Variants in PPP2R2B observed in about 807,000 individuals in gnomAD.
PPP2R2B encodes the protein serine/threonine-protein phosphatase 2A 55 kDa regulatory subunit B beta isoform.
A neutral mutation model predicts 46.0 loss-of-function variants in PPP2R2B; 5 were observed. The ratio of observed to expected loss-of-function variants is 0.11; its 90% CI spans 0.06 to 0.23. The LOEUF (loss-of-function observed/expected upper bound fraction) is 0.23, where lower values mean the gene tolerates loss of function less well. Ranked by LOEUF, PPP2R2B falls within the 10% of genes least tolerant of loss-of-function variation. The pLI is 1.00. For synonymous variants in PPP2R2B, 215 were observed against 206.7 expected (o/e 1.04, Z -0.34); for missense variants, 367 against 575.0 (o/e 0.64, Z 3.70).
chr5:146,917,365 C>T (rs1417730296), intron 1 of PPP2R2B, among the ~76,000 whole-genome samples: 1 of 152,170 alleles, frequency 6.6e-6, no homozygotes, highest in African/African-American at 2.4e-5. Context: ...ATACCCTCCT[C>T]GACTGCCATT....
intron 2 of PPP2R2B, among the ~76,000 whole-genome samples, chr5:146,822,187 AC>A (rs1329456492): frequency 1.3e-5 from 2 of 152,222 alleles, no homozygotes; most frequent in Non-Finnish European, 2.9e-5. Flanking sequence ...CAGAAGAAGG[AC>A]TGGCTCCTCA....
chr5:147,010,290 CCA>C (rs1358898098), intron 1 of PPP2R2B, among the ~76,000 whole-genome samples: 2 of 151,962 alleles, frequency 1.3e-5, no homozygotes, highest in Admixed American at 6.6e-5. Flanking sequence ...GACAATTTTT[CCA>C]CAGACTGGGG....
chr5:146,931,364 A>C (rs1763964194), intron 1 of PPP2R2B, among the ~76,000 whole-genome samples: 1 of 152,100 alleles, frequency 6.6e-6, no homozygotes, highest in African/African-American at 2.4e-5. Flanking sequence ...AAATTTCTTG[A>C]CTGCTAGCTC....
At chr5:146,683,829 C>A (rs1030567646) in intron 5 of PPP2R2B, among the ~76,000 whole-genome samples, 14 of 152,104 alleles carry the variant, frequency 9.2e-5, no homozygotes, top group African/African-American at 3.1e-4. Flanking sequence ...ATAATGATGG[C>A]AATCAATAAT....
chr5:146,597,341 C>T (rs1303421328), intron 8 of PPP2R2B, among the ~76,000 whole-genome samples: 1 of 152,200 alleles, frequency 6.6e-6, no homozygotes, highest in Non-Finnish European at 1.5e-5. Context: ...CCTGTCATTG[C>T]TATCCCTGTT....
chr5:146,911,651 C>G (rs1369027198), intron 1 of PPP2R2B, among the ~76,000 whole-genome samples: 1 of 152,204 alleles, frequency 6.6e-6, no homozygotes, highest in South Asian at 2.1e-4. Context: ...GAGACTATTG[C>G]CTTTTGGATT....
At chr5:146,760,959 A>G (rs1754127086) in intron 2 of PPP2R2B, among the ~76,000 whole-genome samples, 1 of 152,224 alleles carries the variant, frequency 6.6e-6, no homozygotes, top group African/African-American at 2.4e-5. Context: ...CAAAACCACA[A>G]TGAGATACCA....
At chr5:146,739,871 T>C (rs1752761307) in intron 2 of PPP2R2B, among the ~76,000 whole-genome samples, 1 of 152,230 alleles carries the variant, frequency 6.6e-6, no homozygotes, top group Non-Finnish European at 1.5e-5. Context: ...GAATAATGTC[T>C]GTGGGAATCC....
chr5:146,762,532 C>A (rs1754228683), intron 2 of PPP2R2B, among the ~76,000 whole-genome samples: 1 of 152,208 alleles, frequency 6.6e-6, no homozygotes, highest in African/African-American at 2.4e-5. Context: ...TGAAAAATAT[C>A]TAAGCATTCT....
At chr5:146,668,102 A>ACAGAGCTCATCTCATTCCTCCTTTC (rs1278225902) in intron 5 of PPP2R2B, among the ~76,000 whole-genome samples, 1 of 152,184 alleles carries the variant, frequency 6.6e-6, no homozygotes, top group African/African-American at 2.4e-5. Flanking sequence ...GCTGCAGTTA[A>ACAGAGCTCATCTCATTCCTCCTTTC]CAGAGCTCAT....
At chr5:147,027,009 T>C (rs1755556730) in intron 1 of PPP2R2B, among the ~76,000 whole-genome samples, 1 of 152,172 alleles carries the variant, frequency 6.6e-6, no homozygotes, top group South Asian at 2.1e-4. Context: ...GCTTTTTTCA[T>C]AATAGAAACT....
chr5:146,694,536 G>A lies in PPP2R2B; in HGVS notation c.335-3296C>T, dbSNP rs142317741. Among the ~76,000 whole-genome samples the A allele has an allele frequency of 3.9e-3, 596 of 152,170 alleles. 9 individuals carry two copies. Among genetic ancestry groups the A allele is most frequent in the African/African-American group, 0.014 (565 of 41,518 alleles). On this transcript the variant is annotated intron_variant, in intron 4 of 9. Coordinates refer to ENST00000394411, the MANE Select transcript of PPP2R2B (RefSeq NM_181675.4). ...AACAGAGAAATCATGGGTATAACAT[G>A]AAGAATAAAAATCACCTACAACCTC...
At chr5:146,693,576 A>G (rs988415339) in intron 4 of PPP2R2B, among the ~76,000 whole-genome samples, 1 of 152,224 alleles carries the variant, frequency 6.6e-6, no homozygotes, top group Non-Finnish European at 1.5e-5. Flanking sequence ...AAAAATATAG[A>G]ACACCCAGTT....
chr5:146,646,524 A>T (rs780777322), intron 6 of PPP2R2B, among the ~76,000 whole-genome samples: 5 of 152,138 alleles, frequency 3.3e-5, no homozygotes, highest in Non-Finnish European at 7.4e-5. Context: ...CTATGGATGG[A>T]AGGGAGAGAA....
Position 146,586,806 on chromosome 5 carries a change from T to C in PPP2R2B, c.*3141A>G, listed in dbSNP as rs1211830220. ...GATTCCCACTGCCCATCTGCCTTTA[T>C]ATATCCCACTTCTTGATGCTGGCTA... is the stretch of plus-strand genomic sequence containing the variant. On this transcript the variant is annotated 3_prime_UTR_variant, in exon 10 of 10. Coordinates refer to ENST00000394411, the MANE Select transcript of PPP2R2B (RefSeq NM_181675.4). 1 of 152,338 alleles carries C rather than the reference T, an allele frequency of 6.6e-6. No homozygotes were observed. The highest frequency in any genetic ancestry group is 1.9e-4 in the East Asian group (1 of 5,184). The allele number at this position is 152,338 out of a possible 1,614,324, so 9.4% of individuals were successfully genotyped here.
At chr5:146,651,358 T>A (rs1028803401) in intron 5 of PPP2R2B, among the ~76,000 whole-genome samples, 1 of 152,224 alleles carries the variant, frequency 6.6e-6, no homozygotes, top group Non-Finnish European at 1.5e-5. Flanking sequence ...CACTTTTACA[T>A]GCAAAACTGT....
At chr5:146,773,435 G>A (rs534036105) in intron 2 of PPP2R2B, among the ~76,000 whole-genome samples, 21 of 152,292 alleles carry the variant, frequency 1.4e-4, no homozygotes, top group Admixed American at 3.3e-4. Flanking sequence ...TTATGATCTA[G>A]ATTTGAATTA....
chr5:146,668,907 G>T (rs1443673410), intron 5 of PPP2R2B, among the ~76,000 whole-genome samples: 4 of 152,110 alleles, frequency 2.6e-5, no homozygotes, highest in African/African-American at 9.7e-5. Flanking sequence ...TTGCCTTTGA[G>T]GACTGTAGAC....
At chr5:147,046,159 G>A (rs1756534086) in intron 1 of PPP2R2B, among the ~76,000 whole-genome samples, 1 of 152,072 alleles carries the variant, frequency 6.6e-6, no homozygotes. Context: ...TAATAGAGAT[G>A]TTCTTTATGT....
Sources: gnomAD v4.1 joint callset for allele counts (sites outside exome capture counted in the v4.1 genomes callset) on GRCh38, gnomAD v4.1.1 for gene constraint, MANE v1.5 for transcripts, NCBI Gene and HGNC (gene_info 2026-07-23, HGNC 2026-07-21) for gene names.